Variants in CHD6 observed in about 807,000 individuals in gnomAD.
The protein encoded by CHD6 is ATP-dependent chromatin remodeler CHD6.
Under a neutral mutation model 276.9 loss-of-function variants are expected in CHD6, and 50 were observed. The observed-to-expected ratio is 0.18, with a 90% CI of 0.14 to 0.23. The LOEUF (loss-of-function observed/expected upper bound fraction) is 0.23. CHD6 is among the 10% of genes least tolerant of loss of function. The probability of loss-of-function intolerance (pLI) is 1.00; values close to 1 mark genes in which losing one functional copy is unlikely to be tolerated. For missense variants in CHD6, 2,564 were observed against 3,365.8 expected (o/e 0.76, Z 5.89); for synonymous variants, 1,173 against 1,229.3 (o/e 0.95, Z 0.96).
chr20:41,533,338 C>A lies in CHD6; in HGVS notation c.266G>T (p.Gly89Val), dbSNP rs773477562. ...CTTCCGTTTCTTCTTCACTCCAGTA[C>A]CTCCTCCTCCACTGTCCTCCATCCC... Reference protein sequence around the residue: ...HNGMEDSGGGGTGVKKKRKKK... With the variant: ...HNGMEDSGGGVTGVKKKRKKK... The change falls in exon 3 of 37, where the codon GGT becomes GTT. Residue 89 changes from glycine (G) to valine (V), a missense_variant. By Grantham distance (109) the Gly-to-Val change is moderately radical. This residue lies in a region of CHD6 where 286 missense variants were observed against 297.8 expected (regional missense o/e 0.96). Coordinates refer to ENST00000373233, the MANE Select transcript of CHD6 (RefSeq NM_032221.5). The A allele has an allele frequency of 1.2e-6, 2 of 1,614,078 alleles. No homozygotes were observed. Among genetic ancestry groups the A allele is most frequent in the Admixed American group, 3.3e-5 (2 of 60,012 alleles).
At chr20:41,410,815 C>A (rs1012337190) in intron 36 of CHD6, among the ~76,000 whole-genome samples, 3 of 152,062 alleles carry the variant, frequency 2.0e-5, no homozygotes. Flanking sequence ...CAAGGGGGAA[C>A]CACATGGCTC....
At chr20:41,416,043 G>A (rs929153807) in intron 33 of CHD6, among the ~76,000 whole-genome samples, 1 of 152,280 alleles carries the variant, frequency 6.6e-6, no homozygotes, top group East Asian at 1.9e-4. Context: ...ACGGTCCCCA[G>A]CTGATTCCAA....
At position 41,455,912 on chromosome 20, in the gene CHD6, T is replaced by C. The variant is rs1379805814; in HGVS notation, c.2897A>G (p.Asp966Gly). The stretch of plus-strand genomic sequence containing the variant: ...GAACTTGGAGCCTTCATCTTCTTCA[T>C]CCATTAAGGCTCCATAAGCACCTTT... ...LRKGAYGALM[D>G]EEDEGSKFCE... Residue 966 changes from aspartate (D) to glycine (G), a missense_variant, in exon 19 of 37, where the codon GAT becomes GGT. Transcript: ENST00000373233. 1 of 1,612,608 alleles carries C rather than the reference T, an allele frequency of 6.2e-7. No individual in the cohort carries two copies. The highest frequency in any genetic ancestry group is 1.1e-5 in the South Asian group (1 of 90,832).
chr20:41,556,015 C>T (rs1004912331), intron 1 of CHD6, among the ~76,000 whole-genome samples: 2 of 152,202 alleles, frequency 1.3e-5, no homozygotes, highest in South Asian at 2.1e-4. Context: ...CTCGGGAGGC[C>T]GAGGCTGGCG....
chr20:41,573,053 T>G (rs4610114), intron 1 of CHD6, among the ~76,000 whole-genome samples: 60,596 of 151,670 alleles, frequency 0.4, 15,515 homozygotes, highest in African/African-American at 0.71. Context: ...GGGACTACAG[T>G]CGCCCGCCAC....
At position 41,421,116 on chromosome 20, in the gene CHD6, G is replaced by A. The variant is rs748601958; in HGVS notation, c.5519C>T (p.Ser1840Leu). Residue 1840 changes from serine (S) to leucine (L), a missense_variant, in exon 31 of 37, where the codon TCA becomes TTA. Transcript: ENST00000373233. ...CAATAAATCAATTAATTGCTGATCT[G>A]ATGACAGGTTTCTTTTGGAGTCACA... is the stretch of plus-strand genomic sequence containing the variant. Reference protein sequence around the residue: ...SVCDSKRNLSSDQQLIDLLEN... With the variant: ...SVCDSKRNLSLDQQLIDLLEN... The A allele has an allele frequency of 3.1e-6, 5 of 1,613,918 alleles. No homozygotes were observed. Among genetic ancestry groups the A allele is most frequent in the Non-Finnish European group, 4.2e-6 (5 of 1,180,012 alleles).
chr20:41,432,147 T>TA (rs2047562023), intron 27 of CHD6, among the ~76,000 whole-genome samples: 1 of 85,618 alleles, frequency 1.2e-5, no homozygotes, highest in South Asian at 3.5e-4. Context: ...GCAGCAAGAG[T>TA]AAAACTCCGT....
chr20:41,577,590 T>C (rs1044038100), intron 1 of CHD6, among the ~76,000 whole-genome samples: 1 of 152,266 alleles, frequency 6.6e-6, no homozygotes, highest in Non-Finnish European at 1.5e-5. Context: ...CGTGGACATG[T>C]AGTGTGTGTG....
At chr20:41,475,097 T>C (rs966703455) in intron 16 of CHD6, among the ~76,000 whole-genome samples, 33 of 152,226 alleles carry the variant, frequency 2.2e-4, no homozygotes, top group African/African-American at 6.0e-4. Flanking sequence ...CTGAATTCTA[T>C]AGATTTAATT....
chr20:41,422,630 T>C (rs1432332390), intron 30 of CHD6, among the ~76,000 whole-genome samples: 2 of 152,202 alleles, frequency 1.3e-5, no homozygotes, highest in African/African-American at 4.8e-5. Flanking sequence ...AGGTACTTTA[T>C]ACACATCTCT....
chr20:41,558,924 T>C (rs2045270312), intron 1 of CHD6, among the ~76,000 whole-genome samples: 1 of 152,186 alleles, frequency 6.6e-6, no homozygotes, highest in Admixed American at 6.5e-5. Flanking sequence ...CTCCCTGATA[T>C]TATATTACAG....
At chr20:41,578,507 C>A (rs1009755364) in intron 1 of CHD6, among the ~76,000 whole-genome samples, 3 of 151,816 alleles carry the variant, frequency 2.0e-5, no homozygotes, top group African/African-American at 7.3e-5. Flanking sequence ...TAACAATCAC[C>A]AAGGAATGTT....
intron 2 of CHD6, among the ~76,000 whole-genome samples, chr20:41,537,250 G>A (rs1329862684): frequency 6.6e-6 from 1 of 152,064 alleles, no homozygotes; most frequent in Admixed American, 6.5e-5. Flanking sequence ...CATGGGTTCT[G>A]CATCTATGGA....
rs1015985913 is a variant in CHD6, at chr20:41,590,301, T to A, written c.-24+28039A>T. ...GGCAATACCATGCAGGACACAGGCA[T>A]GGGCAAGAACTTCATGTCTAAAACA... On this transcript the variant is annotated intron_variant, in intron 1 of 36. Transcript: ENST00000373233. 1.3e-5 allele frequency among the ~76,000 whole-genome samples: 2 copies of A among 152,190 alleles called. 1 individual carries two copies. Among genetic ancestry groups the A allele is most frequent in the South Asian group, 4.1e-4 (2 of 4,828 alleles).
chr20:41,537,973 TG>T (rs1158612727), intron 2 of CHD6, among the ~76,000 whole-genome samples: 1 of 152,082 alleles, frequency 6.6e-6, no homozygotes, highest in East Asian at 1.9e-4. Context: ...AGCCAAAAGG[TG>T]GAAGCAACTC....
intron 3 of CHD6, among the ~76,000 whole-genome samples, chr20:41,525,430 G>T (rs2044507622): frequency 6.6e-6 from 1 of 152,164 alleles, no homozygotes; most frequent in African/African-American, 2.4e-5. Flanking sequence ...TCCATTGCAA[G>T]GAGGAAACAC....
chr20:41,534,321 G>A (rs566692849), intron 2 of CHD6, among the ~76,000 whole-genome samples: 1 of 152,318 alleles, frequency 6.6e-6, no homozygotes, highest in Admixed American at 6.5e-5. Context: ...CATTTGTGAG[G>A]AACCTGCTCT....
intron 1 of CHD6, 90 bp from the exon 2 acceptor site, chr20:41,551,450 A>C: frequency 1.6e-6 from 1 of 628,276 alleles, no homozygotes; most frequent in Non-Finnish European, 2.8e-6. Context: ...CACACAAGGA[A>C]AACAAACAGG....
At chr20:41,612,309 G>C (rs373377789) in intron 1 of CHD6, among the ~76,000 whole-genome samples, 3 of 152,276 alleles carry the variant, frequency 2.0e-5, no homozygotes, top group East Asian at 3.9e-4. Context: ...TCTTTCTGGA[G>C]CTGGTCATTA....
Sources: gnomAD v4.1 joint callset for allele counts (sites outside exome capture counted in the v4.1 genomes callset) on GRCh38, gnomAD v4.1.1 for gene constraint, gnomAD v4.1.1 regional missense constraint, MANE v1.5 for transcripts, NCBI Gene and HGNC (gene_info 2026-07-23, HGNC 2026-07-21) for gene names.